Variants in GPC5 observed in about 807,000 individuals in gnomAD.
The protein encoded by GPC5 is glypican-5.
GPC5 carries 47 observed loss-of-function variants against 53.9 expected under a neutral mutation model. The ratio of observed to expected loss-of-function variants is 0.87; its 90% CI spans 0.69 to 1.11. GPC5 has a LOEUF of 1.11. Ranked by LOEUF, GPC5 falls within the 50% of genes most tolerant of loss-of-function variation. The probability of loss-of-function intolerance (pLI) is 0.00; values close to 1 mark genes in which losing one functional copy is unlikely to be tolerated. For missense variants in GPC5, 748 were observed against 713.1 expected (o/e 1.05, Z -0.56); for synonymous variants, 286 against 263.3 (o/e 1.09, Z -0.84).
At chr13:92,638,140 G>A (rs74107084) in intron 7 of GPC5, among the ~76,000 whole-genome samples, 5,377 of 152,134 alleles carry the variant, frequency 0.035, 319 homozygotes, top group African/African-American at 0.12. Context: ...AAAGGATAGG[G>A]GAGAGGAAAG....
At chr13:92,374,614 A>G (rs961572403) in intron 7 of GPC5, among the ~76,000 whole-genome samples, 2 of 150,032 alleles carry the variant, frequency 1.3e-5, no homozygotes, top group Non-Finnish European at 3.0e-5. Context: ...CACAAAACCA[A>G]ACACCGCATA....
intron 6 of GPC5, among the ~76,000 whole-genome samples, chr13:92,143,223 A>C (rs934740246): frequency 6.6e-6 from 1 of 152,118 alleles, no homozygotes; most frequent in African/African-American, 2.4e-5. Flanking sequence ...AGTATGTTGG[A>C]CCTCAGAATC....
At chr13:92,289,309 C>T (rs1213759712) in intron 7 of GPC5, among the ~76,000 whole-genome samples, 1 of 151,848 alleles carries the variant, frequency 6.6e-6, no homozygotes, top group Non-Finnish European at 1.5e-5. Context: ...TGCCAACAGC[C>T]CTTGCTTAAG....
At chr13:92,268,643 C>G (rs7318685) in intron 7 of GPC5, among the ~76,000 whole-genome samples, 1 of 151,528 alleles carries the variant, frequency 6.6e-6, no homozygotes, top group Non-Finnish European at 1.5e-5. Context: ...CCTGCTAGAA[C>G]TTTTGTAGCC....
At chr13:91,571,208 T>A (rs939608861) in intron 2 of GPC5, among the ~76,000 whole-genome samples, 2 of 152,166 alleles carry the variant, frequency 1.3e-5, no homozygotes, top group Non-Finnish European at 2.9e-5. Flanking sequence ...ATAATTTGTA[T>A]GCAAGTATAA....
intron 5 of GPC5, among the ~76,000 whole-genome samples, chr13:91,823,266 C>T (rs2138838163): frequency 6.6e-6 from 1 of 152,196 alleles, no homozygotes; most frequent in Middle Eastern, 3.4e-3. Context: ...TACCCCCAAA[C>T]TGCCAATATC....
At chr13:91,419,670 C>T (rs1878470657) in intron 1 of GPC5, among the ~76,000 whole-genome samples, 1 of 152,092 alleles carries the variant, frequency 6.6e-6, no homozygotes, top group South Asian at 2.1e-4. Flanking sequence ...AGGTAAACTG[C>T]AGAGGCAACT....
chr13:91,787,494 G>T (rs1161271002), intron 5 of GPC5, among the ~76,000 whole-genome samples: 2 of 152,068 alleles, frequency 1.3e-5, no homozygotes, highest in Non-Finnish European at 2.9e-5. Context: ...AACCAACTTT[G>T]CATTCCTAGG....
At chr13:92,560,490 T>C (rs954531133) in intron 7 of GPC5, among the ~76,000 whole-genome samples, 1 of 152,006 alleles carries the variant, frequency 6.6e-6, no homozygotes, top group Admixed American at 6.6e-5. Flanking sequence ...CAGTTAAGGT[T>C]TGTGATTGGC....
chr13:91,547,595 C>T (rs1392849688), intron 2 of GPC5, among the ~76,000 whole-genome samples: 1 of 152,058 alleles, frequency 6.6e-6, no homozygotes, highest in Non-Finnish European at 1.5e-5. Context: ...TTCTCTACAA[C>T]ATCTTTCAGA....
intron 2 of GPC5, among the ~76,000 whole-genome samples, chr13:91,576,376 C>T (rs1198778535): frequency 6.6e-6 from 1 of 151,010 alleles, no homozygotes; most frequent in Non-Finnish European, 1.5e-5. Context: ...TATAATTTTA[C>T]TTAGTAGTTA....
intron 7 of GPC5, among the ~76,000 whole-genome samples, chr13:92,751,692 CATATGTAACA>C: frequency 6.6e-6 from 1 of 151,962 alleles, no homozygotes; most frequent in Non-Finnish European, 1.5e-5. Flanking sequence ...CACATGTATA[CATATGTAACA>C]AACCTGCACG....
chr13:92,407,257 G>A (rs1875833286), intron 7 of GPC5, among the ~76,000 whole-genome samples: 1 of 152,092 alleles, frequency 6.6e-6, no homozygotes, highest in South Asian at 2.1e-4. Context: ...GTGTGAAAGA[G>A]GAAGAATTAT....
chr13:91,994,961 T>TTTTTTTATTTTTAA (rs1874318913), intron 6 of GPC5: 1 of 149,890 alleles, frequency 6.7e-6, no homozygotes, highest in African/African-American at 2.5e-5. Flanking sequence ...CAAACTTACC[T>TTTTTTTATTTTTAA]TTTTTTATTT....
At chr13:92,742,220 A>G (rs1889118350) in intron 7 of GPC5, among the ~76,000 whole-genome samples, 4 of 150,934 alleles carry the variant, frequency 2.7e-5, no homozygotes, top group Admixed American at 1.3e-4. Flanking sequence ...AAGTGTTCCT[A>G]TTTCTCCACA....
chr13:91,945,455 A>G lies in GPC5; in HGVS notation c.1401+37398A>G, dbSNP rs549387068. ...TTGGAATGTATAAGTGTTCATTCCT[A>G]TTTTCATCTGTTTTGTAGCAACAGG... On this transcript the variant is annotated intron_variant, in intron 6 of 7. Coordinates refer to ENST00000377067, the MANE Select transcript of GPC5 (RefSeq NM_004466.6). 4.6e-5 allele frequency among the ~76,000 whole-genome samples: 7 copies of G among 152,224 alleles called. No homozygotes were observed. The East Asian group carries it at 1.3e-3, about 29-fold the overall frequency.
chr13:92,381,914 A>ATGAT, intron 7 of GPC5, among the ~76,000 whole-genome samples: 1 of 135,184 alleles, frequency 7.4e-6, no homozygotes, highest in Non-Finnish European at 1.6e-5. Context: ...TATATGATAT[A>ATGAT]TATAATCATA....
In GPC5 at chr13:92,082,388, G is replaced by A. The variant is rs529830932; in HGVS notation, c.1402-62442G>A. On this transcript the variant is annotated intron_variant, in intron 6 of 7. Coordinates refer to ENST00000377067, the MANE Select transcript of GPC5 (RefSeq NM_004466.6). ...TATAGTTCAAGTTTGTAGCCTCCTC[G>A]TGATTTCATTTGACCAAGGCTAAAA... Among the ~76,000 whole-genome samples, 10 of 152,170 alleles carry A rather than the reference G, an allele frequency of 6.6e-5. No homozygotes were observed. The East Asian group carries it at 1.7e-3, about 26-fold the overall frequency.
intron 7 of GPC5, among the ~76,000 whole-genome samples, chr13:92,677,261 C>A (rs1183432079): frequency 6.6e-6 from 1 of 152,096 alleles, no homozygotes; most frequent in Non-Finnish European, 1.5e-5. Flanking sequence ...ATAAATAGCA[C>A]CACTCTTTTA....
Sources: allele counts gnomAD v4.1 joint callset (sites outside exome capture counted in the v4.1 genomes callset), GRCh38; gene constraint gnomAD v4.1.1; transcripts MANE v1.5; gene names NCBI Gene and HGNC (gene_info 2026-07-23, HGNC 2026-07-21).